Variants in BCAS3 observed in about 807,000 individuals in gnomAD.
BCAS3 encodes the protein BCAS4/BCAS3 fusion.
In BCAS3, 53 loss-of-function variants were observed where a neutral mutation model predicts 116.1. The observed-to-expected ratio is 0.46, with a 90% CI of 0.37 to 0.57. The LOEUF is 0.57. Ranked by LOEUF, BCAS3 falls within the 20% of genes least tolerant of loss-of-function variation. The pLI, the probability that BCAS3 is intolerant of heterozygous loss-of-function variation, is 0.00. For synonymous variants in BCAS3, 391 were observed against 408.2 expected (o/e 0.96, Z 0.51); for missense variants, 917 against 1,165.4 (o/e 0.79, Z 3.10).
At chr17:60,727,508 T>G in intron 5 of BCAS3, 1 of 1,446,222 alleles carries the variant, frequency 6.9e-7, no homozygotes, top group East Asian at 2.5e-5. Context: ...GTTCCGTCTA[T>G]GTGATGAAAA....
In BCAS3 at chr17:61,235,747, A is replaced by C. The variant is rs77424198; in HGVS notation, c.2426-132580A>C. 0.03 allele frequency among the ~76,000 whole-genome samples: 4,511 copies of C among 152,182 alleles called. 246 individuals carry two copies. Among genetic ancestry groups the C allele is most frequent in the African/African-American group, 0.1 (4,284 of 41,466 alleles). ...AAGGAGAAAGAAAGACAAGGGAAAA[A>C]AATGGTTAGGGAGGCTGCAAAAGAG... On this transcript the variant is annotated intron_variant, in intron 22 of 23. Transcript: ENST00000407086. This position sits in a 1 kb window ranked among gnomAD's most constrained non-coding sequence, Gnocchi z 5.0.
At chr17:61,172,856 T>C (rs937743008) in intron 22 of BCAS3, among the ~76,000 whole-genome samples, 25 of 149,698 alleles carry the variant, frequency 1.7e-4, no homozygotes, top group South Asian at 1.1e-3. Flanking sequence ...GGCGTGGCGG[T>C]GGGCACCTGT....
At chr17:60,891,685 C>G (rs750229102) in intron 10 of BCAS3, 3 of 455,764 alleles carry the variant, frequency 6.6e-6, no homozygotes, top group Non-Finnish European at 1.3e-5. Flanking sequence ...ACAGGGTACA[C>G]GTGCATGTTT....
intron 7 of BCAS3, among the ~76,000 whole-genome samples, chr17:60,809,867 C>T (rs1254201137): frequency 2.0e-5 from 3 of 152,096 alleles, no homozygotes; most frequent in African/African-American, 7.2e-5. Context: ...CACTAAGATA[C>T]ATAGATGCAT....
rs1051290499 is a variant in BCAS3 at position 61,145,258 on chromosome 17, G to A, written c.2425+60694G>A. On this transcript the variant is annotated intron_variant, in intron 22 of 23. Coordinates refer to ENST00000407086, the MANE Select transcript of BCAS3 (RefSeq NM_017679.5). The surrounding 1 kb of genome is among the most constrained non-coding windows in gnomAD (Gnocchi z 5.0). ...TCTTGTTTCTGCCGTCTTCACCTTT[G>A]CTGATGGTTCTGCAACTCATCACCA... Among the ~76,000 whole-genome samples the A allele has an allele frequency of 6.6e-5, 10 of 152,088 alleles. No individual in the cohort carries two copies. Among genetic ancestry groups the A allele is most frequent in the Non-Finnish European group, 1.3e-4 (9 of 68,036 alleles).
chr17:60,986,498 C>T (rs1246704900), intron 14 of BCAS3, among the ~76,000 whole-genome samples: 2 of 152,134 alleles, frequency 1.3e-5, no homozygotes, highest in Non-Finnish European at 2.9e-5. Flanking sequence ...TCCTTGCCAT[C>T]GTTTGCTATT....
At chr17:61,252,089 A>T (rs2048412401) in intron 22 of BCAS3, among the ~76,000 whole-genome samples, 1 of 152,254 alleles carries the variant, frequency 6.6e-6, no homozygotes, top group African/African-American at 2.4e-5. Context: ...CTTAAAAGGC[A>T]ATTAAAACGT....
intron 22 of BCAS3, among the ~76,000 whole-genome samples, chr17:61,301,924 G>A (rs999635719): frequency 2.0e-5 from 3 of 151,836 alleles, no homozygotes; most frequent in Non-Finnish European, 2.9e-5. Context: ...CACCCTTTCC[G>A]CCCCCTCACA....
intron 22 of BCAS3, among the ~76,000 whole-genome samples, chr17:61,221,589 CAA>C (rs1015914258): frequency 3.3e-5 from 5 of 152,146 alleles, no homozygotes; most frequent in Non-Finnish European, 7.3e-5. Context: ...TGGGAAGGCC[CAA>C]GTCTGTTTCC....
chr17:61,100,934 G>A (rs1489378963), intron 22 of BCAS3, among the ~76,000 whole-genome samples: 1 of 152,150 alleles, frequency 6.6e-6, no homozygotes, highest in African/African-American at 2.4e-5. Context: ...TACTGTCACA[G>A]AGCTAGTAGA....
chr17:61,237,781 A>AC (rs1365098764), intron 22 of BCAS3, among the ~76,000 whole-genome samples: 1 of 152,104 alleles, frequency 6.6e-6, no homozygotes, highest in Non-Finnish European at 1.5e-5. Context: ...CTGACCGTAG[A>AC]CCCCCAGCTC....
At chr17:60,693,299 C>T (rs1030602567) in intron 4 of BCAS3, among the ~76,000 whole-genome samples, 5 of 151,968 alleles carry the variant, frequency 3.3e-5, no homozygotes, top group Admixed American at 6.6e-5. Context: ...GAATCCCAGA[C>T]TACATCAGAT....
rs1458786927 is a variant in BCAS3 at position 61,077,668 on chromosome 17, A to G, written c.2131-665A>G. ...ATATTTGTGGCAGTTGAGAAAACACACTAATTAATGGTATTTGGAAGACAA... is the reference window on the plus strand; with the variant it reads ...ATATTTGTGGCAGTTGAGAAAACACGCTAATTAATGGTATTTGGAAGACAA... On this transcript the variant is annotated intron_variant, in intron 20 of 23. Transcript: ENST00000407086. This position sits in a 1 kb window ranked among gnomAD's most constrained non-coding sequence, Gnocchi z 4.3. Among the ~76,000 whole-genome samples the G allele has an allele frequency of 6.6e-6, 1 of 152,228 alleles. No individual in the cohort carries two copies. Among genetic ancestry groups the G allele is most frequent in the East Asian group, 1.9e-4 (1 of 5,204 alleles).
intron 7 of BCAS3, among the ~76,000 whole-genome samples, chr17:60,848,795 C>T (rs1472170355): frequency 6.6e-6 from 1 of 150,534 alleles, no homozygotes; most frequent in African/African-American, 2.4e-5. Context: ...ACCTGCAGGG[C>T]TCAAGCAGTC....
chr17:60,940,172 A>C (rs1002557643), intron 13 of BCAS3, among the ~76,000 whole-genome samples: 17 of 152,220 alleles, frequency 1.1e-4, no homozygotes, highest in African/African-American at 4.1e-4. Context: ...AGATTTTTCC[A>C]CATGAAACAA....
At chr17:61,038,109 T>G in intron 18 of BCAS3, 55 bp downstream of exon 18, 1 of 1,488,578 alleles carries the variant, frequency 6.7e-7, no homozygotes, top group Non-Finnish European at 9.1e-7. Flanking sequence ...TATAGAAGAT[T>G]AAAAGCGTAT....
At chr17:61,369,218 G>C (rs1421502849) in intron 23 of BCAS3, among the ~76,000 whole-genome samples, 1 of 152,194 alleles carries the variant, frequency 6.6e-6, no homozygotes, top group Non-Finnish European at 1.5e-5. Context: ...TGCTGTTAGT[G>C]ACTGCCCTAG....
intron 22 of BCAS3, among the ~76,000 whole-genome samples, chr17:61,318,404 C>G (rs906069490): frequency 6.6e-6 from 1 of 152,210 alleles, no homozygotes; most frequent in Non-Finnish European, 1.5e-5. Context: ...CCTCTCCTGT[C>G]TTCCCTGCCT....
At chr17:61,375,247 T>TGTGTGTGCGCGCGCGCGCACAC (rs1555861859) in intron 23 of BCAS3, among the ~76,000 whole-genome samples, 1 of 129,760 alleles carries the variant, frequency 7.7e-6, no homozygotes, top group African/African-American at 4.6e-5. Context: ...TGTGTGTGTG[T>TGTGTGTGCGCGCGCGCGCACAC]GTGTGTGTAC....
Sources: allele counts gnomAD v4.1 joint callset (sites outside exome capture counted in the v4.1 genomes callset), GRCh38; gene constraint gnomAD v4.1.1; non-coding constraint Gnocchi (gnomAD v3.1); transcripts MANE v1.5; gene names NCBI Gene and HGNC (gene_info 2026-07-23, HGNC 2026-07-21).